Variants in DLC1 observed in about 807,000 individuals in gnomAD.
DLC1 encodes the protein DLC1 Rho GTPase activating protein, also known as rho GTPase-activating protein 7.
In DLC1, 54 loss-of-function variants were observed where a neutral mutation model predicts 140.3. The observed-to-expected ratio is 0.38, with a 90% CI of 0.31 to 0.48. DLC1 has a LOEUF of 0.48. DLC1 is among the 20% of genes least tolerant of loss of function. The pLI is 0.96. For synonymous variants in DLC1, 986 were observed against 728.1 expected, an observed-to-expected ratio of 1.35 and a Z score of -5.70; for missense variants, 2,536 against 1,907.0, an observed-to-expected ratio of 1.33 and a Z score of -6.14.
At chr8:13,391,395 A>G (rs1836755575) in intron 4 of DLC1, among the ~76,000 whole-genome samples, 1 of 152,194 alleles carries the variant, frequency 6.6e-6, no homozygotes, top group South Asian at 2.1e-4. Context: ...TTTGCTTCCA[A>G]GTTAACATAT....
At chr8:13,255,307 A>G (rs1041529548) in intron 5 of DLC1, among the ~76,000 whole-genome samples, 9 of 152,160 alleles carry the variant, frequency 5.9e-5, no homozygotes, top group Non-Finnish European at 8.8e-5. Flanking sequence ...TTAATTATCA[A>G]ATGGGGATAG....
chr8:13,160,778 G>T (rs984837147), intron 5 of DLC1, among the ~76,000 whole-genome samples: 1 of 152,106 alleles, frequency 6.6e-6, no homozygotes, highest in Non-Finnish European at 1.5e-5. Context: ...GAGGGGGTGG[G>T]GATCAGGATA....
chr8:13,109,535 C>T (rs1021197978), intron 7 of DLC1, among the ~76,000 whole-genome samples: 5 of 150,516 alleles, frequency 3.3e-5, no homozygotes, highest in African/African-American at 4.9e-5. Context: ...CCAGCCTGAG[C>T]GACAGAGTGA....
At chr8:13,574,930 A>G (rs1804784185) in intron 1 of DLC1, among the ~76,000 whole-genome samples, 1 of 152,208 alleles carries the variant, frequency 6.6e-6, no homozygotes, top group Non-Finnish European at 1.5e-5. Context: ...GCAGCATAGT[A>G]AACAGGTTGA....
intron 1 of DLC1, among the ~76,000 whole-genome samples, chr8:13,579,090 G>T (rs1011329987): frequency 6.6e-6 from 1 of 150,842 alleles, no homozygotes; most frequent in Non-Finnish European, 1.5e-5. Flanking sequence ...GGATTTAGGA[G>T]CTCTGTGCCA....
intron 4 of DLC1, among the ~76,000 whole-genome samples, chr8:13,389,250 A>G (rs1486317044): frequency 6.6e-6 from 1 of 152,154 alleles, no homozygotes; most frequent in Non-Finnish European, 1.5e-5. Flanking sequence ...AACCACAACA[A>G]AACCTCAGAG....
chr8:13,525,576 C>T (rs1802896149), intron 1 of DLC1, among the ~76,000 whole-genome samples: 1 of 152,130 alleles, frequency 6.6e-6, no homozygotes, highest in Non-Finnish European at 1.5e-5. Flanking sequence ...CTTTCATTTC[C>T]TAACGATTAG....
At position 13,090,260 on chromosome 8, in the gene DLC1, A is replaced by G. The variant is rs1475935126; in HGVS notation, c.4066T>C (p.Tyr1356His). The change falls in exon 15 of 18, where the codon TAT becomes CAT. Residue 1356 changes from tyrosine to histidine, a missense_variant. Coordinates refer to ENST00000276297, the MANE Select transcript of DLC1 (RefSeq NM_182643.3). ...YSTSEQAELS[Y>H]KKVSEGPPLR... ...ACAGGGTGAAGCCTTACCTTCTTAT[A>G]GGACAGCTCAGCCTGCTCCGAAGTG... is the stretch of plus-strand genomic sequence containing the variant. 10 of 1,613,860 alleles carry G rather than the reference A, an allele frequency of 6.2e-6. No homozygotes were observed. The South Asian group carries it at 9.9e-5, about 16-fold the overall frequency.
At chr8:13,404,857 A>G (rs574247033) in intron 2 of DLC1, among the ~76,000 whole-genome samples, 13 of 152,116 alleles carry the variant, frequency 8.5e-5, no homozygotes, top group Non-Finnish European at 1.6e-4. Flanking sequence ...TTTTTAAAAA[A>G]TAGACAGGCA....
At chr8:13,384,673 A>G (rs1475873349) in intron 4 of DLC1, among the ~76,000 whole-genome samples, 1 of 152,192 alleles carries the variant, frequency 6.6e-6, no homozygotes, top group East Asian at 1.9e-4. Context: ...TTTGTTCTAC[A>G]TTAAGACCTC....
chr8:13,362,191 C>T (rs753215321), intron 4 of DLC1, among the ~76,000 whole-genome samples: 34 of 152,274 alleles, frequency 2.2e-4, no homozygotes, highest in Middle Eastern at 6.8e-3. Flanking sequence ...CTGAAGACAA[C>T]ATCTGCAGGG....
intron 5 of DLC1, among the ~76,000 whole-genome samples, chr8:13,121,289 C>A (rs562329848): frequency 6.6e-6 from 1 of 152,074 alleles, no homozygotes; most frequent in African/African-American, 2.4e-5. Flanking sequence ...CATTCTCCTC[C>A]CCGTGGTGAC....
intron 1 of DLC1, among the ~76,000 whole-genome samples, chr8:13,593,386 C>G (rs1805583962): frequency 6.6e-6 from 1 of 152,070 alleles, no homozygotes; most frequent in African/African-American, 2.4e-5. Flanking sequence ...TCTTTGCTCC[C>G]CAGAAGCTGA....
intron 1 of DLC1, among the ~76,000 whole-genome samples, chr8:13,604,255 A>G (rs1172825428): frequency 3.3e-5 from 5 of 152,168 alleles, no homozygotes; most frequent in Non-Finnish European, 5.9e-5. Flanking sequence ...GATTACAATG[A>G]TCAATTATTG....
At chr8:13,361,190 C>T (rs1228770384) in intron 4 of DLC1, among the ~76,000 whole-genome samples, 2 of 151,694 alleles carry the variant, frequency 1.3e-5, no homozygotes, top group African/African-American at 4.8e-5. Context: ...CTTAATTATA[C>T]CACTGCACTC....
intron 5 of DLC1, among the ~76,000 whole-genome samples, chr8:13,199,011 C>G (rs1827225192): frequency 6.6e-6 from 1 of 152,028 alleles, no homozygotes; most frequent in Non-Finnish European, 1.5e-5. Flanking sequence ...GCCACCGTGT[C>G]CGGCCTAGCA....
intron 5 of DLC1, among the ~76,000 whole-genome samples, chr8:13,295,018 T>C (rs1318067302): frequency 6.6e-6 from 1 of 152,176 alleles, no homozygotes; most frequent in African/African-American, 2.4e-5. Flanking sequence ...CCGAAACATC[T>C]GTTAAGAGGC....
intron 1 of DLC1, among the ~76,000 whole-genome samples, chr8:13,577,159 G>A (rs1358013541): frequency 6.6e-6 from 1 of 152,108 alleles, no homozygotes; most frequent in African/African-American, 2.4e-5. Flanking sequence ...AGAAACAGTG[G>A]GGATAAACAT....
intron 2 of DLC1, among the ~76,000 whole-genome samples, chr8:13,482,559 C>G (rs961081966): frequency 1.3e-5 from 2 of 152,140 alleles, no homozygotes; most frequent in Non-Finnish European, 2.9e-5. Context: ...TGTTTTCTAT[C>G]AAGCAAAATA....
Sources: gnomAD v4.1 joint callset for allele counts (sites outside exome capture counted in the v4.1 genomes callset) on GRCh38, gnomAD v4.1.1 for gene constraint, MANE v1.5 for transcripts, NCBI Gene and HGNC (gene_info 2026-07-23, HGNC 2026-07-21) for gene names.